CDK6: variants seen among roughly 807,000 people sequenced by gnomAD.
CDK6 encodes the protein cyclin dependent kinase 6.
CDK6 carries 6 observed loss-of-function variants against 37.1 expected under a neutral mutation model. That is an observed-to-expected ratio of 0.16 (90% CI 0.09 to 0.32). The LOEUF (loss-of-function observed/expected upper bound fraction) is 0.32. Ranked by LOEUF, CDK6 falls within the 10% of genes least tolerant of loss-of-function variation. CDK6 has a pLI of 1.00. For missense variants in CDK6, 224 were observed against 418.9 expected, an observed-to-expected ratio of 0.53 and a Z score of 4.06; for synonymous variants, 160 against 161.3, an observed-to-expected ratio of 0.99 and a Z score of 0.06.
At chr7:92,688,581 T>TCTCACACA (rs1491483768) in intron 4 of CDK6, among the ~76,000 whole-genome samples, 37 of 127,578 alleles carry the variant, frequency 2.9e-4, no homozygotes, top group African/African-American at 9.6e-4. Context: ...TACATATACA[T>TCTCACACA]CACACACACA....
At chr7:92,752,350 T>C (rs1799208772) in intron 3 of CDK6, among the ~76,000 whole-genome samples, 1 of 152,216 alleles carries the variant, frequency 6.6e-6, no homozygotes, top group African/African-American at 2.4e-5. Context: ...AAAATAGTCA[T>C]GTTATTGATT....
intron 4 of CDK6, among the ~76,000 whole-genome samples, chr7:92,687,269 C>A (rs1021828326): frequency 1.3e-5 from 2 of 152,166 alleles, no homozygotes; most frequent in African/African-American, 4.8e-5. Context: ...ATCTCTGTTA[C>A]CCCCATAAAA....
intron 5 of CDK6, among the ~76,000 whole-genome samples, chr7:92,668,763 A>G (rs966041504): frequency 6.6e-6 from 1 of 152,330 alleles, no homozygotes; most frequent in African/African-American, 2.4e-5. Flanking sequence ...CTCATCTGGC[A>G]TAAGTAAGAA....
chr7:92,831,113 G>A (rs1216022567), intron 2 of CDK6, among the ~76,000 whole-genome samples: 1 of 152,168 alleles, frequency 6.6e-6, no homozygotes, highest in African/African-American at 2.4e-5. Context: ...AGAAAACAAT[G>A]CCTTTGTCTT....
At chr7:92,836,193 G>A (rs1801667272) in intron 1 of CDK6, among the ~76,000 whole-genome samples, 1 of 151,974 alleles carries the variant, frequency 6.6e-6, no homozygotes, top group South Asian at 2.1e-4. Flanking sequence ...ACGGATACGT[G>A]GAAGCAGGAT....
intron 4 of CDK6, among the ~76,000 whole-genome samples, chr7:92,682,089 G>A (rs2116625237): frequency 6.6e-6 from 1 of 152,218 alleles, no homozygotes; most frequent in East Asian, 1.9e-4. Flanking sequence ...TCGAGAGCAT[G>A]TCCTCTCCTG....
intron 5 of CDK6, among the ~76,000 whole-genome samples, chr7:92,642,116 T>C (rs1791405447): frequency 6.6e-6 from 1 of 152,084 alleles, no homozygotes. Flanking sequence ...GCCCTCTGGA[T>C]TCTGTGAGGA....
intron 2 of CDK6, among the ~76,000 whole-genome samples, chr7:92,813,010 A>C (rs1800928663): frequency 6.6e-6 from 1 of 152,228 alleles, no homozygotes; most frequent in African/African-American, 2.4e-5. Flanking sequence ...ATTTTCTTCT[A>C]AGTAAGTTAC....
intron 3 of CDK6, among the ~76,000 whole-genome samples, chr7:92,749,694 T>C (rs913283173): frequency 6.6e-6 from 1 of 152,246 alleles, no homozygotes; most frequent in Non-Finnish European, 1.5e-5. Context: ...CTGTAAGTTT[T>C]TGAAGGCATT....
At chr7:92,728,294 TTG>T (rs1798560141) in intron 3 of CDK6, among the ~76,000 whole-genome samples, 1 of 152,222 alleles carries the variant, frequency 6.6e-6, no homozygotes, top group Non-Finnish European at 1.5e-5. Flanking sequence ...ATAACTTTTT[TTG>T]TGTCTTTTTA....
chr7:92,773,979 C>T (rs1799781724), intron 3 of CDK6, among the ~76,000 whole-genome samples: 1 of 152,146 alleles, frequency 6.6e-6, no homozygotes, highest in African/African-American at 2.4e-5. Flanking sequence ...GTGTATAAAT[C>T]TAAAAGATCT....
rs1302107625 is a variant in CDK6, at chr7:92,765,328, T to C, written c.369+9368A>G. ...AATTTCTGGAATTCAGTTAGTATTT[T>C]TGGAATTAGTACTATTTTAAGGAGA... On this transcript the variant is annotated intron_variant, in intron 3 of 7. Transcript: ENST00000424848. Among the ~76,000 whole-genome samples, 5 of 152,308 alleles carry C rather than the reference T, an allele frequency of 3.3e-5. No homozygotes were observed. The South Asian group carries it at 6.2e-4, about 19-fold the overall frequency.
Position 92,813,335 on chromosome 7 carries a change from T to TA in CDK6, c.233+19755dup, listed in dbSNP as rs562255045. 3.7e-4 allele frequency among the ~76,000 whole-genome samples: 55 copies of TA among 150,014 alleles called. 1 individual carries two copies. Among genetic ancestry groups the TA allele is most frequent in the South Asian group, 3.2e-3 (15 of 4,744 alleles). On this transcript the variant is annotated intron_variant, in intron 2 of 7. Transcript: ENST00000424848. ...GAAAGGGAATCATACTGCTTGCTTT[T>TA]AAAAAAAAAATGCACCAAAGCTTTC...
At chr7:92,823,083 T>C (rs1447999805) in intron 2 of CDK6, among the ~76,000 whole-genome samples, 5 of 151,536 alleles carry the variant, frequency 3.3e-5, no homozygotes, top group Admixed American at 2.6e-4. Context: ...CTCTTACTTT[T>C]ATCAACTAAA....
chr7:92,699,979 AT>A, intron 4 of CDK6, among the ~76,000 whole-genome samples: 1 of 152,362 alleles, frequency 6.6e-6, no homozygotes, highest in South Asian at 2.1e-4. Context: ...GATAAGGTAC[AT>A]AAAGTACTCT....
intron 4 of CDK6, among the ~76,000 whole-genome samples, chr7:92,715,825 T>C (rs1437954051): frequency 1.3e-5 from 2 of 152,224 alleles, no homozygotes; most frequent in Non-Finnish European, 2.9e-5. Flanking sequence ...TAAGGGAAAC[T>C]GCAATGCAGA....
At chr7:92,665,267 TCATCCATCCATCCATCCATCCATC>T (rs3831549) in intron 5 of CDK6, among the ~76,000 whole-genome samples, 2 of 150,826 alleles carry the variant, frequency 1.3e-5, no homozygotes, top group Admixed American at 6.6e-5. Context: ...AACCATCCAA[TCATCCATCCATCCATCCATCCATC>T]CATCCATCCA....
chr7:92,667,324 A>C (rs1009573922), intron 5 of CDK6, among the ~76,000 whole-genome samples: 1 of 151,950 alleles, frequency 6.6e-6, no homozygotes, highest in Non-Finnish European at 1.5e-5. Flanking sequence ...CAGCCTCCGG[A>C]GTAGCTAGTA....
At chr7:92,832,996 T>C in intron 2 of CDK6, 95 bp downstream of exon 2, 1 of 874,258 alleles carries the variant, frequency 1.1e-6, no homozygotes, top group African/African-American at 1.7e-5. Flanking sequence ...CCAGTCGCCC[T>C]CTGCCCCGCA....
Sources: gnomAD v4.1 joint callset for allele counts (sites outside exome capture counted in the v4.1 genomes callset) on GRCh38, gnomAD v4.1.1 for gene constraint, MANE v1.5 for transcripts, NCBI Gene and HGNC (gene_info 2026-07-23, HGNC 2026-07-21) for gene names.